TBCK: variants seen among roughly 807,000 people sequenced by gnomAD.
TBCK encodes the protein TBC domain-containing protein kinase-like protein.
TBCK carries 99 observed loss-of-function variants against 113.4 expected under a neutral mutation model. That is an observed-to-expected ratio of 0.87 (90% confidence interval 0.74 to 1.03). The LOEUF is 1.03. TBCK is among the 50% of genes least tolerant of loss of function. The pLI, the probability that TBCK is intolerant of heterozygous loss-of-function variation, is 0.00. For synonymous variants in TBCK, 369 were observed against 370.8 expected (o/e 1.00, Z 0.05); for missense variants, 1,045 against 1,061.3 (o/e 0.98, Z 0.21).
chr4:106,063,992 G>C (rs1736339798), intron 25 of TBCK, among the ~76,000 whole-genome samples: 1 of 151,844 alleles, frequency 6.6e-6, no homozygotes, highest in Non-Finnish European at 1.5e-5. Flanking sequence ...GGCTACCAAT[G>C]ATCACCACAA....
intron 25 of TBCK, among the ~76,000 whole-genome samples, chr4:106,093,472 A>G (rs1296208053): frequency 6.6e-6 from 1 of 152,164 alleles, no homozygotes; most frequent in Non-Finnish European, 1.5e-5. Flanking sequence ...GCACCACTGC[A>G]CTCCAGCCTG....
intron 25 of TBCK, among the ~76,000 whole-genome samples, chr4:106,055,176 A>C (rs982471500): frequency 1.3e-5 from 2 of 151,570 alleles, no homozygotes; most frequent in African/African-American, 4.8e-5. Flanking sequence ...TATCATAATC[A>C]GATTCTCCAT....
intron 22 of TBCK, among the ~76,000 whole-genome samples, chr4:106,171,829 A>AT (rs995960223): frequency 1.8e-4 from 27 of 150,504 alleles, no homozygotes; most frequent in Admixed American, 6.6e-4. Context: ...GCATTTCTCA[A>AT]TTTTTTTTTT....
intron 23 of TBCK, among the ~76,000 whole-genome samples, chr4:106,147,206 T>C (rs1042325124): frequency 6.6e-6 from 1 of 152,208 alleles, no homozygotes; most frequent in Non-Finnish European, 1.5e-5. Context: ...CCTTTTCATA[T>C]TGATATTGTG....
At chr4:106,151,158 T>C (rs1467136064) in intron 23 of TBCK, among the ~76,000 whole-genome samples, 1 of 152,082 alleles carries the variant, frequency 6.6e-6, no homozygotes, top group African/African-American at 2.4e-5. Flanking sequence ...TCCAGGTTAA[T>C]GGGAGTCCAT....
At chr4:106,251,355 A>G (rs1486990186) in intron 6 of TBCK, among the ~76,000 whole-genome samples, 2 of 151,998 alleles carry the variant, frequency 1.3e-5, no homozygotes, top group Non-Finnish European at 2.9e-5. Context: ...GAAAAGGCTT[A>G]AGATTACCTG....
intron 22 of TBCK, among the ~76,000 whole-genome samples, chr4:106,184,189 T>C (rs1459922332): frequency 6.6e-6 from 1 of 152,054 alleles, no homozygotes; most frequent in Non-Finnish European, 1.5e-5. Context: ...TGCCCCGTAA[T>C]ATCTTAAGCA....
In TBCK at chr4:106,282,336, T is replaced by G. The variant is rs1276848336; in HGVS notation, c.266+12758A>C. On this transcript the variant is annotated intron_variant, in intron 3 of 25. Coordinates refer to ENST00000394708, the MANE Select transcript of TBCK (RefSeq NM_001163435.3). ...TAAAGGTTTGTAAATCTTCTTTATC[T>G]TTTTTAACAAAACAAACTTTTCATT... Among the ~76,000 whole-genome samples the G allele has an allele frequency of 2.6e-5, 4 of 152,034 alleles. No individual in the cohort carries two copies. The East Asian group carries it at 5.8e-4, about 22-fold the overall frequency.
At chr4:106,187,002 C>A (rs1160435580) in intron 22 of TBCK, among the ~76,000 whole-genome samples, 1 of 152,136 alleles carries the variant, frequency 6.6e-6, no homozygotes, top group Non-Finnish European at 1.5e-5. Context: ...GGAATCCTTT[C>A]CTCACTGCTT....
intron 3 of TBCK, among the ~76,000 whole-genome samples, chr4:106,286,680 A>T (rs1765145000): frequency 6.6e-6 from 1 of 152,168 alleles, no homozygotes; most frequent in African/African-American, 2.4e-5. Flanking sequence ...ATAAAAAAAT[A>T]GCCATGTATG....
chr4:106,239,413 CTTCA>C (rs1184449313), intron 12 of TBCK, among the ~76,000 whole-genome samples: 1 of 152,012 alleles, frequency 6.6e-6, no homozygotes, highest in Non-Finnish European at 1.5e-5. Flanking sequence ...GGATTCATTC[CTTCA>C]TTTAGTTATT....
At chr4:106,171,291 A>T (rs1750979999) in intron 22 of TBCK, 21 bp from the exon 23 acceptor site, 1 of 1,583,190 alleles carries the variant, frequency 6.3e-7, no homozygotes. Context: ...ATGTTTTAAA[A>T]AAGCAAATGT....
intron 25 of TBCK, among the ~76,000 whole-genome samples, chr4:106,078,704 A>G (rs562945338): frequency 6.6e-6 from 1 of 151,932 alleles, no homozygotes; most frequent in East Asian, 1.9e-4. Context: ...TCCCAGACAT[A>G]AAAAGAAGAG....
In TBCK at chr4:106,254,716, T is replaced by C. The variant is rs149490401; in HGVS notation, c.456-2709A>G. On this transcript the variant is annotated intron_variant, in intron 5 of 25. Transcript: ENST00000394708. ...CTTATTTTCCTACATAAATAAGCAA[T>C]TGAGCCCTGTTCCCTTTATTGAAAC... Among the ~76,000 whole-genome samples the C allele has an allele frequency of 5.0e-3, 764 of 152,214 alleles. 4 individuals are homozygous for C. Among genetic ancestry groups the C allele is most frequent in the African/African-American group, 0.018 (735 of 41,562 alleles).
intron 25 of TBCK, among the ~76,000 whole-genome samples, chr4:106,073,215 T>C (rs567797341): frequency 1.6e-4 from 25 of 152,310 alleles, no homozygotes; most frequent in African/African-American, 6.0e-4. Context: ...TCTGCTCTGG[T>C]TTCTCCCTAT....
At chr4:106,149,827 T>C (rs955958406) in intron 23 of TBCK, among the ~76,000 whole-genome samples, 6 of 152,170 alleles carry the variant, frequency 3.9e-5, no homozygotes, top group Non-Finnish European at 8.8e-5. Context: ...AAAACAGCAA[T>C]AACAGTGAAA....
intron 24 of TBCK, among the ~76,000 whole-genome samples, chr4:106,097,402 A>G (rs931310716): frequency 6.6e-5 from 10 of 152,200 alleles, no homozygotes; most frequent in Non-Finnish European, 1.3e-4. Flanking sequence ...TGAAACTTAT[A>G]GCACAAAAAT....
intron 3 of TBCK, 106 bp from the exon 4 acceptor site, chr4:106,262,318 A>C: frequency 1.7e-6 from 1 of 577,254 alleles, no homozygotes; most frequent in Admixed American, 3.1e-5. Flanking sequence ...TTATATTTTT[A>C]TTGCTCCTCT....
chr4:106,078,974 G>T (rs1738544598), intron 25 of TBCK, among the ~76,000 whole-genome samples: 1 of 152,098 alleles, frequency 6.6e-6, no homozygotes, highest in Non-Finnish European at 1.5e-5. Flanking sequence ...TGCAAGGTTG[G>T]CTTAACATAT....
Sources: gnomAD v4.1 joint callset for allele counts (sites outside exome capture counted in the v4.1 genomes callset) on GRCh38, gnomAD v4.1.1 for gene constraint, MANE v1.5 for transcripts, NCBI Gene and HGNC (gene_info 2026-07-23, HGNC 2026-07-21) for gene names.